Variants in WDR77 observed in about 807,000 individuals in gnomAD.
The protein encoded by WDR77 is WD repeat domain 77.
Under a neutral mutation model 44.0 loss-of-function variants are expected in WDR77, and 31 were observed. The ratio of observed to expected loss-of-function variants is 0.70; its 90% CI spans 0.53 to 0.95. The LOEUF (loss-of-function observed/expected upper bound fraction) is 0.95. Among genes scored for constraint, WDR77 ranks in the 40% least tolerant of loss-of-function variants. WDR77 has a pLI of 0.00. For synonymous variants in WDR77, 186 were observed against 165.7 expected (o/e 1.12, Z -0.94); for missense variants, 390 against 423.9 (o/e 0.92, Z 0.70).
Position 111,447,512 on chromosome 1 carries a change from A to G in WDR77, c.366T>C (p.Tyr122=). 1.2e-6 allele frequency: 2 copies of G among 1,614,224 alleles called. No homozygotes were observed. Among genetic ancestry groups the G allele is most frequent in the Non-Finnish European group, 1.7e-6 (2 of 1,180,024 alleles). The change falls in exon 3 of 10, where the codon TAT becomes TAC. Residue 122 remains tyrosine, a synonymous_variant. Coordinates refer to ENST00000235090, the MANE Select transcript of WDR77 (RefSeq NM_024102.4). ...ETLIVSKFCK[Y]EHDDIVSTVS... is the part of the protein sequence containing the mutation. Reference sequence around the variant, plus strand: ...CTGTAGACACAATGTCATCATGCTCATACTTGCAGAACTTGCTGACAATAA... The same window carrying G: ...CTGTAGACACAATGTCATCATGCTCGTACTTGCAGAACTTGCTGACAATAA...
chr1:111,445,823 C>T (rs1653002066), intron 4 of WDR77, among the ~76,000 whole-genome samples: 2 of 151,956 alleles, frequency 1.3e-5, no homozygotes, highest in Non-Finnish European at 2.9e-5. Flanking sequence ...GGCTGGAGTG[C>T]AGTGGCGTGA....
At chr1:111,443,493 A>G in intron 6 of WDR77, 99 bp from the exon 7 acceptor site, 1 of 1,358,430 alleles carries the variant, frequency 7.4e-7, no homozygotes, top group Non-Finnish European at 1.0e-6. Flanking sequence ...CCTTTATTTG[A>G]TTTCCCAAAC....
At chr1:111,446,024 G>A (rs531068863) in intron 4 of WDR77, among the ~76,000 whole-genome samples, 17 of 152,326 alleles carry the variant, frequency 1.1e-4, no homozygotes, top group African/African-American at 3.8e-4. Context: ...ACCCGCCTCA[G>A]CCTCCCAAAG....
intron 4 of WDR77, 93 bp from the exon 5 acceptor site, chr1:111,444,217 G>A (rs1436412629): frequency 1.6e-6 from 2 of 1,287,448 alleles, no homozygotes; most frequent in African/African-American, 1.5e-5. Context: ...CAGGAGGGAG[G>A]GAGGGCTGGT....
Position 111,443,921 on chromosome 1 carries a change from C to G in WDR77, c.565G>C (p.Asp189His). 6.2e-7 allele frequency: 1 copy of G among 1,614,102 alleles called. No homozygotes were observed. The highest frequency in any genetic ancestry group is 8.5e-7 in the Non-Finnish European group (1 of 1,180,014). ...GTATCCCAGAGTAAAATTCTATTGT[C>G]CTAGAGGAAGGTGGAACAGAAAAAG... ...KDSVFLSCSE[D>H]NRILLWDTRC... Residue 189 changes from aspartate to histidine, a missense_variant and splice_region_variant, in exon 6 of 10, where the codon GAC becomes CAC. Coordinates refer to ENST00000235090, the MANE Select transcript of WDR77 (RefSeq NM_024102.4).
chr1:111,441,714 G>A, intron 9 of WDR77: 1 of 706,540 alleles, frequency 1.4e-6, no homozygotes, highest in Non-Finnish European at 2.0e-6. Flanking sequence ...GTAGCAGGCT[G>A]CATTTCATAC....
intron 6 of WDR77, 43 bp downstream of exon 6, chr1:111,443,824 G>T: frequency 1.9e-6 from 3 of 1,613,462 alleles, no homozygotes; most frequent in Non-Finnish European, 2.5e-6. Flanking sequence ...TCTTCTATCA[G>T]GGTTCCAAGT....
At position 111,441,163 on chromosome 1, in the gene WDR77, C is replaced by T. The variant is rs1420261810; in HGVS notation, c.*67G>A. 2.9e-6 allele frequency: 4 copies of T among 1,369,436 alleles called. No homozygotes were observed. Among genetic ancestry groups the T allele is most frequent in the Non-Finnish European group, 3.8e-6 (4 of 1,048,024 alleles). 84.8% of individuals were successfully genotyped at this position (1,369,436 alleles called of 1,614,324 possible). On this transcript the variant is annotated 3_prime_UTR_variant, in exon 10 of 10. Transcript: ENST00000235090. ...TATAGAAGGCTCCTGTGTTGTCTCA[C>T]AAGCTGAGAGGGCAGGGCAAAGAAG...
chr1:111,441,362 A>G lies in WDR77; in HGVS notation c.897T>C (p.Phe299=), dbSNP rs1652809167. The G allele has an allele frequency of 6.4e-7, 1 of 1,559,260 alleles. No individual in the cohort carries two copies. Among genetic ancestry groups the G allele is most frequent in the East Asian group, 2.4e-5 (1 of 42,142 alleles). Residue 299 remains phenylalanine, a synonymous_variant, in exon 10 of 10, where the codon TTT becomes TTC. Coordinates refer to ENST00000235090, the MANE Select transcript of WDR77 (RefSeq NM_024102.4). The part of the protein sequence containing the change: ...ELFRSQAHRD[F]VRDATWSPLN... ...GCGGGGACCAAGTCGCATCTCTCAC[A>G]AAGTCTCTGTGGGCTTGGCTTCTAA...
intron 9 of WDR77, chr1:111,441,635 G>T: frequency 7.9e-7 from 1 of 1,261,358 alleles, no homozygotes; most frequent in Non-Finnish European, 1.0e-6. Flanking sequence ...ATGAGGGGCA[G>T]TAACAGGCAG....
intron 2 of WDR77, among the ~76,000 whole-genome samples, chr1:111,447,866 G>A (rs1653114161): frequency 6.6e-6 from 1 of 152,194 alleles, no homozygotes; most frequent in Non-Finnish European, 1.5e-5. Flanking sequence ...GAGAGAATAT[G>A]GAAAATGAGC....
In WDR77 at chr1:111,441,326, G is replaced by C; in HGVS notation, c.933C>G (p.Ser311=). 18 of 1,584,432 alleles carry C rather than the reference G, an allele frequency of 1.1e-5. No homozygotes were observed. The highest frequency in any genetic ancestry group is 1.5e-5 in the Non-Finnish European group (18 of 1,162,944). ...RDATWSPLNH[S]LLTTVGWDHQ... The stretch of plus-strand genomic sequence containing the variant: ...GGTCCCAGCCCACTGTGGTAAGCAG[G>C]GAGTGATTGAGCGGGGACCAAGTCG... Residue 311 remains serine, a synonymous_variant, in exon 10 of 10, where the codon TCC becomes TCG. Transcript: ENST00000235090.
rs753448968 is a variant in WDR77, at chr1:111,448,619, C to T, written c.301G>A (p.Gly101Ser). 1.9e-6 allele frequency: 3 copies of T among 1,614,134 alleles called. No homozygotes were observed. The highest frequency in any genetic ancestry group is 1.1e-5 in the South Asian group (1 of 91,074). Residue 101 changes from glycine (G) to serine (S), a missense_variant and splice_region_variant, in exon 2 of 10, where the codon GGT (glycine) becomes AGT (serine). Physicochemically the swap from Gly to Ser is moderately conservative, Grantham distance 56. Coordinates refer to ENST00000235090, the MANE Select transcript of WDR77 (RefSeq NM_024102.4). Reference protein sequence around the residue: ...ERGILVASDSGAVELWELDEN... With the variant: ...ERGILVASDSSAVELWELDEN... ...GGTGGATAATGGGATAGTGACTCAC[C>T]TGAATCGGAGGCCACTAGAATACCT...
intron 7 of WDR77, 101 bp from the exon 8 acceptor site, chr1:111,442,862 G>T: frequency 1.3e-6 from 1 of 761,012 alleles, no homozygotes; most frequent in Non-Finnish European, 2.0e-6. Flanking sequence ...TAACCATTCT[G>T]AGCATCAGTT....
At chr1:111,447,637 C>T in intron 2 of WDR77, 61 bp from the exon 3 acceptor site, 1 of 1,589,536 alleles carries the variant, frequency 6.3e-7, no homozygotes, top group South Asian at 1.1e-5. Flanking sequence ...TAATTCACTT[C>T]TAGGATTCAA....
Position 111,444,058 on chromosome 1 carries a change from C to T in WDR77, c.560G>A (p.Ser187Asn). Residue 187 changes from serine to asparagine, a missense_variant, in exon 5 of 10, where the codon AGC becomes AAC. Transcript: ENST00000235090. ...PHKDSVFLSC[S>N]EDNRILLWDT... ...GAAGAAGGAGCTATCTCTTACCTCG[C>T]TGCATGAAAGAAACACAGAGTCCTT... The T allele has an allele frequency of 6.2e-7, 1 of 1,614,130 alleles. No homozygotes were observed. The highest frequency in any genetic ancestry group is 1.3e-5 in the African/African-American group (1 of 75,026).
In WDR77 at chr1:111,448,844, G is replaced by A. The variant is rs763468208; in HGVS notation, c.116-40C>T. 3.9e-6 allele frequency: 6 copies of A among 1,552,658 alleles called. No individual in the cohort carries two copies. In the African/African-American group the frequency reaches 8.2e-5, roughly 21 times the overall value. On this transcript the variant is annotated intron_variant, in intron 1 of 9. Coordinates refer to ENST00000235090, the MANE Select transcript of WDR77 (RefSeq NM_024102.4). ...AGCTGTCAGCGCGTGAAGGGTAGAAGGGTTCGCCTCCATGGAGACCGCACA... is the reference window on the plus strand; with the variant it reads ...AGCTGTCAGCGCGTGAAGGGTAGAAAGGTTCGCCTCCATGGAGACCGCACA...
Position 111,449,201 on chromosome 1 carries a change from A to T in WDR77, c.-32T>A, listed in dbSNP as rs1653206140. The T allele has an allele frequency of 3.2e-6, 5 of 1,545,818 alleles. No homozygotes were observed. The highest frequency in any genetic ancestry group is 8.7e-7 in the Non-Finnish European group (1 of 1,151,772). On this transcript the variant is annotated 5_prime_UTR_variant, in exon 1 of 10. Transcript: ENST00000235090. ...GGTTCCAACTCCAACCTAGACTCAA[A>T]CTGGACGCCGGCCGGAGACTCCGCT...
At chr1:111,443,836 C>T in intron 6 of WDR77, 31 bp downstream of exon 6, 1 of 1,613,930 alleles carries the variant, frequency 6.2e-7, no homozygotes, top group Non-Finnish European at 8.5e-7. Context: ...GTTCCAAGTA[C>T]TATTCTCCCA....
Sources: gnomAD v4.1 joint callset for allele counts (sites outside exome capture counted in the v4.1 genomes callset) on GRCh38, gnomAD v4.1.1 for gene constraint, MANE v1.5 for transcripts, NCBI Gene and HGNC (gene_info 2026-07-23, HGNC 2026-07-21) for gene names.